Variants in RHBDD1 observed in about 807,000 individuals in gnomAD.
RHBDD1 encodes rhomboid domain containing 1, also known as rhomboid-related protein 4.
Under a neutral mutation model 36.3 loss-of-function variants are expected in RHBDD1, and 38 were observed. The ratio of observed to expected loss-of-function variants is 1.05; its 90% CI spans 0.81 to 1.37. The LOEUF (loss-of-function observed/expected upper bound fraction) is 1.37. Ranked by LOEUF, RHBDD1 falls within the 40% of genes most tolerant of loss-of-function variation. The pLI is 0.00. For missense variants in RHBDD1, 393 were observed against 377.6 expected (o/e 1.04, Z -0.34); for synonymous variants, 151 against 136.5 (o/e 1.11, Z -0.74).
chr2:226,938,897 C>T (rs1351140051), intron 8 of RHBDD1, among the ~76,000 whole-genome samples: 1 of 152,094 alleles, frequency 6.6e-6, no homozygotes, highest in Admixed American at 6.6e-5. Flanking sequence ...ACTGGCAAAC[C>T]AAATCCAGCA....
At chr2:226,906,586 T>G in intron 5 of RHBDD1, 1 of 1,055,470 alleles carries the variant, frequency 9.5e-7, no homozygotes, top group Non-Finnish European at 1.3e-6. Context: ...GTTTTAAACA[T>G]GTGGTGGTTG....
upstream of RHBDD1, among the ~76,000 whole-genome samples, chr2:226,834,000 C>G (rs1041848093): frequency 6.6e-6 from 1 of 152,096 alleles, no homozygotes; most frequent in African/African-American, 2.4e-5. Context: ...GTCTTTTACC[C>G]CTTAAATGTC....
intron 3 of RHBDD1, among the ~76,000 whole-genome samples, chr2:226,857,883 A>C (rs1448942418): frequency 6.6e-6 from 1 of 152,170 alleles, no homozygotes; most frequent in East Asian, 1.9e-4. Flanking sequence ...CTAAAAAAAA[A>C]CACTGAATTG....
At position 226,867,264 on chromosome 2, in the gene RHBDD1, C is replaced by G. The variant is rs370274083; in HGVS notation, c.512C>G (p.Pro171Arg). The change falls in exon 5 of 9, where the codon CCG (proline) becomes CGG (arginine). Residue 171 changes from proline (P) to arginine (R), a missense_variant. Coordinates refer to ENST00000392062, the MANE Select transcript of RHBDD1 (RefSeq NM_001167608.3). ...GFVNILGFPV[P>R]NRFACWVELV... ...GTCAACATTTTGGGCTTTCCTGTAC[C>G]GAACAGATTTGCTTGTTGGGTCGAA... 6.9e-5 allele frequency: 111 copies of G among 1,613,568 alleles called. No homozygotes were observed. The highest frequency in any genetic ancestry group is 5.4e-4 in the South Asian group (49 of 90,962).
intron 8 of RHBDD1, among the ~76,000 whole-genome samples, chr2:226,964,110 TGA>T (rs1204144102): frequency 1.3e-5 from 2 of 152,074 alleles, no homozygotes; most frequent in Non-Finnish European, 2.9e-5. Flanking sequence ...TCTCCTATCT[TGA>T]GAGAGAGAGG....
At chr2:226,956,308 T>C (rs555419330) in intron 8 of RHBDD1, among the ~76,000 whole-genome samples, 2 of 152,248 alleles carry the variant, frequency 1.3e-5, no homozygotes, top group Non-Finnish European at 2.9e-5. Flanking sequence ...ATTATTAGCA[T>C]TGATGTAGTC....
Position 226,921,332 on chromosome 2 carries a change from C to T in RHBDD1, c.856+6981C>T, listed in dbSNP as rs559272806. Among the ~76,000 whole-genome samples, 18 of 151,722 alleles carry T rather than the reference C, an allele frequency of 1.2e-4. No homozygotes were observed. In the East Asian group the frequency reaches 1.4e-3, roughly 11 times the overall value. On this transcript the variant is annotated intron_variant, in intron 8 of 8. Transcript: ENST00000392062. ...CATGAATCTTTTGTATTGTTTTTTT[C>T]GTTTCATTTAGTTCTACTCTTTATT...
At chr2:226,832,980 CAAAAAAA>C (rs1435078987), upstream of RHBDD1, among the ~76,000 whole-genome samples, 1 of 150,402 alleles carries the variant, frequency 6.6e-6, no homozygotes, top group African/African-American at 2.4e-5. Context: ...CATTGCACTT[CAAAAAAA>C]AGAAAAAAGA....
intron 8 of RHBDD1, among the ~76,000 whole-genome samples, chr2:226,951,791 C>G (rs563844182): frequency 4.6e-5 from 7 of 152,172 alleles, no homozygotes; most frequent in Non-Finnish European, 1.0e-4. Context: ...TTCATAGTTG[C>G]AATGTCTTTA....
chr2:226,808,140 T>C, the RHBDD1 span, among the ~76,000 whole-genome samples: 1 of 152,148 alleles, frequency 6.6e-6, no homozygotes, highest in African/African-American at 2.4e-5. Context: ...TGATGGTCAT[T>C]CGTAAAGATG....
At chr2:226,831,972 T>TA (rs1940754514), upstream of RHBDD1, among the ~76,000 whole-genome samples, 2 of 147,990 alleles carry the variant, frequency 1.4e-5, no homozygotes, top group African/African-American at 5.2e-5. Flanking sequence ...TTTTTTTTTC[T>TA]AAAAAACAAA....
intron 5 of RHBDD1, among the ~76,000 whole-genome samples, chr2:226,877,605 A>G (rs1192141499): frequency 7.0e-6 from 1 of 143,816 alleles, no homozygotes; most frequent in African/African-American, 2.6e-5. Flanking sequence ...TTAAGTAAAC[A>G]TGGCAGGGGA....
chr2:226,913,947 C>T (rs992275343), intron 7 of RHBDD1, among the ~76,000 whole-genome samples: 7 of 152,146 alleles, frequency 4.6e-5, no homozygotes, highest in African/African-American at 9.7e-5. Flanking sequence ...CAGTCTCTTC[C>T]CCAGGACTTC....
chr2:226,904,637 CT>C (rs1445384363), intron 5 of RHBDD1, among the ~76,000 whole-genome samples: 1 of 152,182 alleles, frequency 6.6e-6, no homozygotes, highest in Non-Finnish European at 1.5e-5. Flanking sequence ...CAATGCTGTT[CT>C]CTTTACAAGG....
intron 3 of RHBDD1, among the ~76,000 whole-genome samples, chr2:226,855,770 A>G (rs966056145): frequency 6.6e-6 from 1 of 152,224 alleles, no homozygotes; most frequent in Non-Finnish European, 1.5e-5. Context: ...GAATATAATT[A>G]TTGAGAGAGT....
chr2:226,897,630 A>G (rs778833074), intron 5 of RHBDD1, among the ~76,000 whole-genome samples: 9 of 152,130 alleles, frequency 5.9e-5, no homozygotes, highest in Non-Finnish European at 1.0e-4. Flanking sequence ...CAAAGACCAC[A>G]TGGCGAGAGA....
In RHBDD1 at chr2:226,983,267, C is replaced by T. The variant is rs116754677; in HGVS notation, c.857-12164C>T. On this transcript the variant is annotated intron_variant, in intron 8 of 8. Coordinates refer to ENST00000392062, the MANE Select transcript of RHBDD1 (RefSeq NM_001167608.3). ...TAGAATCTGCCTCTCACCAAGCTCCCCGACGTGGATTTGAGAATCACTGTT... is the reference window on the plus strand; with the variant it reads ...TAGAATCTGCCTCTCACCAAGCTCCTCGACGTGGATTTGAGAATCACTGTT... 6.5e-3 allele frequency among the ~76,000 whole-genome samples: 989 copies of T among 152,152 alleles called. 11 individuals carry two copies. The highest frequency in any genetic ancestry group is 0.022 in the African/African-American group (917 of 41,504).
chr2:226,972,018 G>A (rs557106263), intron 8 of RHBDD1, among the ~76,000 whole-genome samples: 3 of 151,844 alleles, frequency 2.0e-5, no homozygotes, highest in South Asian at 4.2e-4. Flanking sequence ...CTGTCAGCCC[G>A]TCATCTATGT....
intron 5 of RHBDD1, among the ~76,000 whole-genome samples, chr2:226,874,487 TAGGGGAGAAA>T (rs1045716839): frequency 7.2e-5 from 11 of 152,168 alleles, no homozygotes; most frequent in African/African-American, 2.4e-4. Flanking sequence ...GAGCAGTTTG[TAGGGGAGAAA>T]CTATTACCTT....
Sources: gnomAD v4.1 joint callset for allele counts (sites outside exome capture counted in the v4.1 genomes callset) on GRCh38, gnomAD v4.1.1 for gene constraint, MANE v1.5 for transcripts, NCBI Gene and HGNC (gene_info 2026-07-23, HGNC 2026-07-21) for gene names.